The following KIRREL2 variants were observed in gnomAD, a reference collection of about 807,000 sequenced individuals.
The protein encoded by KIRREL2 is kirre like nephrin family adhesion molecule 2.
KIRREL2 carries 56 observed loss-of-function variants against 73.4 expected under a neutral mutation model. The observed-to-expected ratio is 0.76, with a 90% CI of 0.62 to 0.95. KIRREL2 has a LOEUF of 0.95. Among genes scored for constraint, KIRREL2 ranks in the 40% least tolerant of loss-of-function variants. The probability of loss-of-function intolerance (pLI) is 0.00; values close to 1 mark genes in which losing one functional copy is unlikely to be tolerated. For synonymous variants in KIRREL2, 407 were observed against 404.0 expected (o/e 1.01, Z -0.09); for missense variants, 896 against 935.0 (o/e 0.96, Z 0.54).
chr19:35,855,098 T>C (rs435605), upstream of KIRREL2, among the ~76,000 whole-genome samples: 9,193 of 152,142 alleles, frequency 0.06, 836 homozygotes, highest in African/African-American at 0.2. Context: ...CCCAGCTTCA[T>C]CCTCGATGCT....
upstream of KIRREL2, chr19:35,851,489 G>T: frequency 6.2e-7 from 1 of 1,613,596 alleles, no homozygotes. Context: ...GCGGTACCTC[G>T]GGAAGCCTGG....
chr19:35,862,488 T>A lies in KIRREL2; in HGVS notation c.1511-5T>A, dbSNP rs1973739270. 2 of 1,606,724 alleles carry A rather than the reference T, an allele frequency of 1.2e-6. No homozygotes were observed. Among genetic ancestry groups the A allele is most frequent in the African/African-American group, 2.7e-5 (2 of 75,032 alleles). ...TTCTCAGGATGTCCCCTCTGCTCCC[T>A]GCAGACTTGCTGCCCACTGTGCGGA... is the stretch of plus-strand genomic sequence containing the variant. On this transcript the variant is annotated splice_region_variant and splice_polypyrimidine_tract_variant and intron_variant, in intron 11 of 14. Transcript: ENST00000360202.
chr19:35,857,463 G>A lies in KIRREL2; in HGVS notation c.180G>A (p.Gly60=), dbSNP rs759152125. 1.2e-6 allele frequency: 2 copies of A among 1,608,356 alleles called. No homozygotes were observed. The highest frequency in any genetic ancestry group is 1.7e-5 in the Admixed American group (1 of 59,242). The part of the protein sequence containing the change: ...YWGLVQWTKS[G]LALGGQRDLP... Reference sequence around the variant, plus strand: ...GGCTAGTTCAGTGGACTAAGAGTGGGCTGGCCCTAGGGGGCCAAAGGGACC... The same window carrying A: ...GGCTAGTTCAGTGGACTAAGAGTGGACTGGCCCTAGGGGGCCAAAGGGACC... The change falls in exon 2 of 15, where the codon GGG becomes GGA. Residue 60 remains glycine, a synonymous_variant. Transcript: ENST00000360202.
At chr19:35,860,247 C>G (rs757512746) in intron 5 of KIRREL2, 50 bp from the exon 6 acceptor site, 12 of 1,490,116 alleles carry the variant, frequency 8.1e-6, no homozygotes, top group Non-Finnish European at 1.1e-5. Context: ...AGGCCAGTGA[C>G]GGAGGTGTTC....
At chr19:35,852,196 T>C (rs1464835690), upstream of KIRREL2, among the ~76,000 whole-genome samples, 1 of 151,742 alleles carries the variant, frequency 6.6e-6, no homozygotes, top group Non-Finnish European at 1.5e-5. Context: ...CCCCAAGTGT[T>C]GGGATTACAG....
Position 35,863,025 on chromosome 19 carries a change from C to A in KIRREL2, c.1714C>A (p.Arg572Ser). 1.3e-6 allele frequency: 2 copies of A among 1,575,866 alleles called. No homozygotes were observed. The highest frequency in any genetic ancestry group is 8.6e-7 in the Non-Finnish European group (1 of 1,158,224). ...RGPEEEETGS[R>S]EDRGPIVHTD... ...TCCTGAAGAAGAGGAGACAGGCAGCCGCGAGGACCGGGTAGGATGCCAGGG... is the reference window on the plus strand; with the variant it reads ...TCCTGAAGAAGAGGAGACAGGCAGCAGCGAGGACCGGGTAGGATGCCAGGG... The change falls in exon 13 of 15, where the codon CGC becomes AGC. Residue 572 changes from arginine to serine, a missense_variant. Transcript: ENST00000360202.
At chr19:35,856,265 G>C (rs1487221308), upstream of KIRREL2, among the ~76,000 whole-genome samples, 2 of 152,208 alleles carry the variant, frequency 1.3e-5, no homozygotes, top group East Asian at 3.9e-4. This position sits in a 1 kb window ranked among gnomAD's most constrained non-coding sequence, Gnocchi z 5.9. Flanking sequence ...GCCGTCGCCG[G>C]GCAACCAGGC....
chr19:35,860,263 C>A, intron 5 of KIRREL2, 34 bp from the exon 6 acceptor site: 1 of 1,578,668 alleles, frequency 6.3e-7, no homozygotes, highest in Non-Finnish European at 8.7e-7. Flanking sequence ...TGTTCCTGGT[C>A]CTTGCCCATC....
upstream of KIRREL2, chr19:35,851,868 G>A (rs376050812): frequency 2.5e-4 from 390 of 1,545,274 alleles, no homozygotes; most frequent in Non-Finnish European, 3.2e-4. Context: ...CCCCCACAGC[G>A]CCCGCTGCCA....
chr19:35,864,478 C>A (rs186095234), intron 13 of KIRREL2, among the ~76,000 whole-genome samples, 170 bp from the exon 14 acceptor site: 1 of 152,170 alleles, frequency 6.6e-6, no homozygotes, highest in Non-Finnish European at 1.5e-5. Context: ...GCATGAGCCA[C>A]TGTGCTGGCT....
upstream of KIRREL2, among the ~76,000 whole-genome samples, chr19:35,855,389 C>T (rs1414930632): frequency 6.6e-6 from 1 of 151,926 alleles, no homozygotes; most frequent in African/African-American, 2.4e-5. Context: ...TGTCCGTAGC[C>T]CCAGAGAGCC....
chr19:35,863,785 T>C (rs528947884), intron 13 of KIRREL2, among the ~76,000 whole-genome samples: 29 of 147,516 alleles, frequency 2.0e-4, no homozygotes, highest in African/African-American at 7.0e-4. Context: ...CTTTCTTTCT[T>C]TTTTTTGAGA....
intron 9 of KIRREL2, 80 bp from the exon 10 acceptor site, chr19:35,861,461 C>T (rs1198634000): frequency 6.0e-6 from 9 of 1,499,024 alleles, no homozygotes; most frequent in Non-Finnish European, 7.4e-6. Context: ...GCGGAGAGTG[C>T]GCTGGACAGA....
rs755980734 is a variant in KIRREL2 at position 35,862,996 on chromosome 19, GA to G, written c.1686del (p.Gly563ValfsTer49). On this transcript the variant is annotated frameshift_variant, in exon 13 of 15. Coordinates refer to ENST00000360202, the MANE Select transcript of KIRREL2 (RefSeq NM_199180.4). LOFTEE classifies it high-confidence loss of function. Reference sequence around the variant, plus strand: ...GGCAGCAGCGACGGCTCCAGTTCACGAGGTCCTGAAGAAGAGGAGACAGGCA... The same window carrying G: ...GGCAGCAGCGACGGCTCCAGTTCACGGGTCCTGAAGAAGAGGAGACAGGCA... ...IPGSSDGSSSRGPEEEETGSR... is the reference protein window; with the variant it reads ...IPGSSDGSSSXGPEEEETGSR... 83 of 1,592,550 alleles carry G rather than the reference GA, an allele frequency of 5.2e-5. No individual in the cohort carries two copies. In the Admixed American group the frequency reaches 1.5e-3, roughly 28 times the overall value.
chr19:35,865,352 T>C (rs1291754373), intron 14 of KIRREL2, among the ~76,000 whole-genome samples: 1 of 152,032 alleles, frequency 6.6e-6, no homozygotes, highest in Non-Finnish European at 1.5e-5. Context: ...AGTTTCACCA[T>C]GTTGGCCAGG....
At position 35,866,705 on chromosome 19, in the gene KIRREL2, C is replaced by T; in HGVS notation, c.*213C>T. ...GAGCAACATGGCCACCCAATATGCC[C>T]ACCTATTCCCCGGTGTAAAAGAGAT... On this transcript the variant is annotated 3_prime_UTR_variant, in exon 15 of 15. Transcript: ENST00000360202. The T allele has an allele frequency of 1.6e-6, 1 of 627,266 alleles. No individual in the cohort carries two copies. Among genetic ancestry groups the T allele is most frequent in the Non-Finnish European group, 2.7e-6 (1 of 363,888 alleles). 38.9% of individuals were successfully genotyped at this position (627,266 alleles called of 1,614,324 possible). A position where few individuals can be genotyped will look rare whatever the true frequency, so the allele number is the denominator to read the frequency against.
chr19:35,854,933 C>CAG (rs1340143985), upstream of KIRREL2, among the ~76,000 whole-genome samples: 4 of 152,116 alleles, frequency 2.6e-5, no homozygotes, highest in African/African-American at 9.7e-5. Flanking sequence ...TGCTGGTGGG[C>CAG]CTGCCCTCCC....
chr19:35,858,600 A>C lies in KIRREL2; in HGVS notation c.361+43A>C, dbSNP rs371736227. 1.2e-5 allele frequency: 19 copies of C among 1,612,208 alleles called. No homozygotes were observed. In the African/African-American group the frequency reaches 2.3e-4, roughly 19 times the overall value. Reference sequence around the variant, plus strand: ...TTGTCCCCTGGGAGCCCAAGAGGGCAGCCCGTACTAGCTGTGAGTAGCAGA... The same window carrying C: ...TTGTCCCCTGGGAGCCCAAGAGGGCCGCCCGTACTAGCTGTGAGTAGCAGA... On this transcript the variant is annotated intron_variant, in intron 3 of 14. Transcript: ENST00000360202.
upstream of KIRREL2, among the ~76,000 whole-genome samples, chr19:35,855,706 C>CACACAT (rs1491182830): frequency 0.012 from 1,075 of 90,546 alleles, 51 homozygotes; most frequent in African/African-American, 0.025. Flanking sequence ...CACACACACA[C>CACACAT]ATACACACAG....
Sources: gnomAD v4.1 joint callset for allele counts (sites outside exome capture counted in the v4.1 genomes callset) on GRCh38, gnomAD v4.1.1 for gene constraint, Gnocchi (gnomAD v3.1) non-coding constraint, MANE v1.5 for transcripts, NCBI Gene and HGNC (gene_info 2026-07-23, HGNC 2026-07-21) for gene names.